Variants in IGF2 observed in about 807,000 individuals in gnomAD.
IGF2 encodes the protein insulin-like growth factor 2.
Under a neutral mutation model 12.0 loss-of-function variants are expected in IGF2, and 2 were observed. The ratio of observed to expected loss-of-function variants is 0.17; its 90% CI spans 0.07 to 0.52. The LOEUF is 0.52. Ranked by LOEUF, IGF2 falls within the 20% of genes least tolerant of loss-of-function variation. IGF2 has a pLI of 0.95. For synonymous variants in IGF2, 105 were observed against 110.1 expected, an observed-to-expected ratio of 0.95 and a Z score of 0.29; for missense variants, 211 against 268.0, an observed-to-expected ratio of 0.79 and a Z score of 1.48.
chr11:2,148,015 T>C, the IGF2 span: 1 of 399,702 alleles, frequency 2.5e-6, no homozygotes, highest in Non-Finnish European at 4.4e-6. The surrounding 1 kb of genome is among the most constrained non-coding windows in gnomAD (Gnocchi z 4.3). Flanking sequence ...GAAGAAGTGG[T>C]GAGAAGTTTG....
upstream of IGF2, among the ~76,000 whole-genome samples, chr11:2,145,471 G>A (rs775825509): frequency 2.0e-5 from 3 of 152,256 alleles, no homozygotes; most frequent in African/African-American, 4.8e-5. Flanking sequence ...GGCATCGGGG[G>A]TGAGCCCCAG....
At chr11:2,144,961 G>A (rs1859828635), upstream of IGF2, among the ~76,000 whole-genome samples, 2 of 152,154 alleles carry the variant, frequency 1.3e-5, no homozygotes, top group Non-Finnish European at 2.9e-5. Flanking sequence ...GTGGGGAGCT[G>A]GGCAGGATGA....
At chr11:2,146,388 A>G in the IGF2 span, 368,271 of 534,436 alleles carry the variant, frequency 0.69, 129,954 homozygotes, top group Admixed American at 0.8. Flanking sequence ...CCTTGCGCTC[A>G]CTCCCCTCGC....
Position 2,131,653 on chromosome 11 carries a change from CTG to C in IGF2, c.*1332_*1333del, listed in dbSNP as rs200119028. On this transcript the variant is annotated 3_prime_UTR_variant, in exon 4 of 4. Transcript: ENST00000416167. ...GCTGTGTGCTGTGTTCATGTGTGTG[CTG>C]TGTGTGCGTGTGCTGTGTGCATGTG... is the stretch of plus-strand genomic sequence containing the variant. The C allele has an allele frequency of 3.4e-3, 627 of 184,720 alleles. 4 individuals carry two copies. Among genetic ancestry groups the C allele is most frequent in the African/African-American group, 0.017 (544 of 32,772 alleles). 11.4% of individuals were successfully genotyped at this position (184,720 alleles called of 1,614,324 possible).
At chr11:2,146,118 TCC>T (rs17882671), upstream of IGF2, 1 of 445,590 alleles carries the variant, frequency 2.2e-6, no homozygotes, top group Admixed American at 2.4e-5. Context: ...AGGATGAACA[TCC>T]CCTCAAGGAC....
intron 2 of IGF2, 64 bp downstream of exon 2, chr11:2,135,303 G>T: frequency 7.1e-7 from 1 of 1,409,866 alleles, no homozygotes. Flanking sequence ...CTTGAGGTTG[G>T]GCGTCCTCAC....
chr11:2,138,116 C>T (rs913047039), intron 1 of IGF2, 113 bp downstream of exon 1: 12 of 630,496 alleles, frequency 1.9e-5, no homozygotes, highest in South Asian at 7.0e-5. Context: ...TCAGCCGCCC[C>T]GCCGAGCCCC....
rs1236112524 is a variant in IGF2, at chr11:2,139,103, G to C, written c.-881C>G. 5.7e-6 allele frequency: 1 copy of C among 176,414 alleles called. No individual in the cohort carries two copies. Among genetic ancestry groups the C allele is most frequent in the Non-Finnish European group, 1.1e-5 (1 of 91,324 alleles). The allele number at this position is 176,414 out of a possible 1,614,324, so 10.9% of individuals were successfully genotyped here. ...ACGCCGGCGGCCTGCGAGCCGGACTGCCTGCGGGGGGAACCGCCTCCTCGG... is the reference window on the plus strand; with the variant it reads ...ACGCCGGCGGCCTGCGAGCCGGACTCCCTGCGGGGGGAACCGCCTCCTCGG... On this transcript the variant is annotated 5_prime_UTR_variant, in exon 1 of 4. Transcript: ENST00000416167.
At position 2,138,424 on chromosome 11, in the gene IGF2, A is replaced by T; in HGVS notation, c.-202T>A. Reference sequence around the variant, plus strand: ...GGAGAATTCGTCTGATTGTCCAGGGAGGACGGGCTGTCTTCGGGCTGGGGC... The same window carrying T: ...GGAGAATTCGTCTGATTGTCCAGGGTGGACGGGCTGTCTTCGGGCTGGGGC... On this transcript the variant is annotated 5_prime_UTR_variant, in exon 1 of 4. Coordinates refer to ENST00000416167, the MANE Select transcript of IGF2 (RefSeq NM_000612.6). 1.4e-6 allele frequency: 1 copy of T among 717,498 alleles called. No homozygotes were observed. The highest frequency in any genetic ancestry group is 1.6e-6 in the Non-Finnish European group (1 of 615,850). 44.4% of individuals were successfully genotyped at this position (717,498 alleles called of 1,614,324 possible).
Position 2,133,290 on chromosome 11 carries a change from T to A in IGF2, c.307-67A>T. 1 of 1,210,538 alleles carries A rather than the reference T, an allele frequency of 8.3e-7. No homozygotes were observed. The highest frequency in any genetic ancestry group is 1.2e-6 in the Non-Finnish European group (1 of 869,170). 75.0% of individuals were successfully genotyped at this position (1,210,538 alleles called of 1,614,324 possible). On this transcript the variant is annotated intron_variant, in intron 3 of 3. Coordinates refer to ENST00000416167, the MANE Select transcript of IGF2 (RefSeq NM_000612.6). This position sits in a 1 kb window ranked among gnomAD's most constrained non-coding sequence, Gnocchi z 8.9. ...CGCTCTTCCGCCTGAGCCGCCCGCCTGACCTGACAGGCCACCCCTGTGACT... is the reference window on the plus strand; with the variant it reads ...CGCTCTTCCGCCTGAGCCGCCCGCCAGACCTGACAGGCCACCCCTGTGACT...
Position 2,133,083 on chromosome 11 carries a change from G to A in IGF2, c.447C>T (p.Phe149=), listed in dbSNP as rs771327940. The A allele has an allele frequency of 1.9e-5, 31 of 1,608,078 alleles. No homozygotes were observed. The South Asian group carries it at 3.2e-4, about 17-fold the overall frequency. ...GHVLAKELEA[F]REAKRHRPLI... ...GGGGACGGTGACGTTTGGCCTCCCTGAACGCCTCGAGCTCCTTGGCGAGCA... is the reference window on the plus strand; with the variant it reads ...GGGGACGGTGACGTTTGGCCTCCCTAAACGCCTCGAGCTCCTTGGCGAGCA... The change falls in exon 4 of 4, where the codon TTC becomes TTT. Residue 149 remains phenylalanine, a synonymous_variant. Coordinates refer to ENST00000416167, the MANE Select transcript of IGF2 (RefSeq NM_000612.6). This position sits in a 1 kb window ranked among gnomAD's most constrained non-coding sequence, Gnocchi z 8.9.
At chr11:2,140,269 C>T (rs373288584), upstream of IGF2, 1 of 1,612,788 alleles carries the variant, frequency 6.2e-7, no homozygotes, top group African/African-American at 1.3e-5. Context: ...GGGGCCACCA[C>T]GATAATTTGG....
upstream of IGF2, among the ~76,000 whole-genome samples, chr11:2,145,346 G>A (rs1301727801): frequency 6.6e-6 from 1 of 152,226 alleles, no homozygotes; most frequent in Non-Finnish European, 1.5e-5. Flanking sequence ...GTCCCCGGGA[G>A]AGCGGACTAG....
chr11:2,132,936 G>C lies in IGF2; in HGVS notation c.*51C>G. On this transcript the variant is annotated 3_prime_UTR_variant, in exon 4 of 4. Transcript: ENST00000416167. ...ACCTGATGGAAACGTCCGTGGTCAG[G>C]AGGAGGCTGCAGGATGGTGGCGCCG... 8.1e-7 allele frequency: 1 copy of C among 1,240,800 alleles called. No individual in the cohort carries two copies. Among genetic ancestry groups the C allele is most frequent in the East Asian group, 2.5e-5 (1 of 39,234 alleles). The allele number at this position is 1,240,800 out of a possible 1,614,324, so 76.9% of individuals were successfully genotyped here.
At position 2,138,777 on chromosome 11, in the gene IGF2, C is replaced by T. The variant is rs1230126206; in HGVS notation, c.-555G>A. The T allele has an allele frequency of 1.1e-6, 1 of 919,026 alleles. No individual in the cohort carries two copies. Among genetic ancestry groups the T allele is most frequent in the Non-Finnish European group, 1.3e-6 (1 of 789,678 alleles). 56.9% of individuals were successfully genotyped at this position (919,026 alleles called of 1,614,324 possible). On this transcript the variant is annotated 5_prime_UTR_variant, in exon 1 of 4. Coordinates refer to ENST00000416167, the MANE Select transcript of IGF2 (RefSeq NM_000612.6). ...GAAGGGAAGGTTGCGGGAGAAAGAG[C>T]GGGGGCCGGGGCCAGACGCCAAGAG...
chr11:2,139,810 C>T (rs1174456903), upstream of IGF2, among the ~76,000 whole-genome samples: 1 of 151,846 alleles, frequency 6.6e-6, no homozygotes, highest in Non-Finnish European at 1.5e-5. Context: ...TGCGGGTGCG[C>T]CCCGTCTGAG....
upstream of IGF2, among the ~76,000 whole-genome samples, chr11:2,141,712 A>T (rs1859610702): frequency 6.6e-6 from 1 of 152,222 alleles, no homozygotes; most frequent in Admixed American, 6.5e-5. Flanking sequence ...GGGAAAAAAT[A>T]ACCTTCATAA....
At position 2,131,886 on chromosome 11, in the gene IGF2, TTG is replaced by T. The variant is rs1361799148; in HGVS notation, c.*1099_*1100del. The stretch of plus-strand genomic sequence containing the variant: ...CTGTGTGTGCGTGTGTGCTGTGCGT[TTG>T]TGTGTGCTGTGCGTTTGTGTGTGTG... On this transcript the variant is annotated 3_prime_UTR_variant, in exon 4 of 4. Transcript: ENST00000416167. 5.3e-5 allele frequency: 8 copies of T among 150,814 alleles called. No homozygotes were observed. Among genetic ancestry groups the T allele is most frequent in the East Asian group, 9.2e-5 (1 of 10,858 alleles). The allele number at this position is 150,814 out of a possible 1,614,324, so 9.3% of individuals were successfully genotyped here.
Position 2,138,696 on chromosome 11 carries a change from G to T in IGF2, c.-474C>A. On this transcript the variant is annotated 5_prime_UTR_variant, in exon 1 of 4. Transcript: ENST00000416167. ...TTTGGTTCGGCGAAGGCGAGAGGGC[G>T]GGCGTGAGGGGGGGAGGGAGTCGGA... 2.4e-6 allele frequency: 2 copies of T among 843,898 alleles called. No homozygotes were observed. The highest frequency in any genetic ancestry group is 2.8e-6 in the Non-Finnish European group (2 of 706,258). The allele number at this position is 843,898 out of a possible 1,614,324, so 52.3% of individuals were successfully genotyped here.
Sources: allele counts gnomAD v4.1 joint callset (sites outside exome capture counted in the v4.1 genomes callset), GRCh38; gene constraint gnomAD v4.1.1; non-coding constraint Gnocchi (gnomAD v3.1); transcripts MANE v1.5; gene names NCBI Gene and HGNC (gene_info 2026-07-23, HGNC 2026-07-21).